QSER1: variants seen among roughly 807,000 people sequenced by gnomAD.
QSER1 encodes the protein glutamine and serine rich 1.
QSER1 carries 49 observed loss-of-function variants against 158.5 expected under a neutral mutation model. The observed-to-expected ratio is 0.31, with a 90% CI of 0.25 to 0.39. The LOEUF (loss-of-function observed/expected upper bound fraction) is 0.39, where lower values mean the gene tolerates loss of function less well. Among genes scored for constraint, QSER1 ranks in the 10% least tolerant of loss-of-function variants. The pLI, the probability that QSER1 is intolerant of heterozygous loss-of-function variation, is 1.00. For missense variants in QSER1, 1,754 were observed against 2,010.3 expected (o/e 0.87, Z 2.44); for synonymous variants, 650 against 715.5 (o/e 0.91, Z 1.46).
At chr11:32,938,360 A>G (rs971624361) in intron 4 of QSER1, among the ~76,000 whole-genome samples, 1 of 152,196 alleles carries the variant, frequency 6.6e-6, no homozygotes, top group African/African-American at 2.4e-5. Context: ...GAGGGTATGT[A>G]AAAGAAAAGT....
intron 8 of QSER1, among the ~76,000 whole-genome samples, chr11:32,965,620 C>T (rs1852726627): frequency 1.3e-5 from 2 of 151,984 alleles, no homozygotes; most frequent in Admixed American, 6.6e-5. Context: ...AGTTTCTTAC[C>T]CAGTCTACTT....
intron 1 of QSER1, among the ~76,000 whole-genome samples, chr11:32,904,715 G>C (rs1184152282): frequency 5.4e-5 from 8 of 148,126 alleles, no homozygotes; most frequent in Admixed American, 2.8e-4. Context: ...GGGTCTTTGT[G>C]CTTTTTCCTG....
At position 32,895,727 on chromosome 11, in the gene QSER1, G is replaced by A. The variant is rs971332297; in HGVS notation, c.209+2393G>A. On this transcript the variant is annotated intron_variant, in intron 1 of 12. Transcript: ENST00000650167. ...TATTCAGAAGCTGACAGATGGTAATGACATTCAGTTGTTGCCGACAGGGAT... is the reference window on the plus strand; with the variant it reads ...TATTCAGAAGCTGACAGATGGTAATAACATTCAGTTGTTGCCGACAGGGAT... 4.5e-4 allele frequency among the ~76,000 whole-genome samples: 68 copies of A among 152,310 alleles called. 1 individual carries two copies. The highest frequency in any genetic ancestry group is 1.5e-3 in the African/African-American group (63 of 41,564).
intron 1 of QSER1, among the ~76,000 whole-genome samples, chr11:32,920,904 G>T (rs1172938284): frequency 6.6e-6 from 1 of 152,206 alleles, no homozygotes; most frequent in African/African-American, 2.4e-5. Flanking sequence ...TGGTGGGAAT[G>T]TAAAATGGTA....
chr11:32,928,144 T>C, intron 3 of QSER1, 21 bp downstream of exon 3: 1 of 1,472,030 alleles, frequency 6.8e-7, no homozygotes, highest in Non-Finnish European at 9.5e-7. Flanking sequence ...GTTTCTAGAA[T>C]TTTTAAGTCC....
At chr11:32,948,487 G>A (rs1309713028) in intron 4 of QSER1, among the ~76,000 whole-genome samples, 2 of 152,116 alleles carry the variant, frequency 1.3e-5, no homozygotes, top group Non-Finnish European at 2.9e-5. Flanking sequence ...CAGTTAGGTG[G>A]GCATGTTGGC....
At position 32,931,676 on chromosome 11, in the gene QSER1, A is replaced by G. The variant is rs74553216; in HGVS notation, c.485-67A>G. The G allele has an allele frequency of 6.9e-3, 8,810 of 1,272,976 alleles. 43 individuals carry two copies. The highest frequency in any genetic ancestry group is 9.1e-3 in the Non-Finnish European group (8,293 of 915,204). 78.9% of individuals were successfully genotyped at this position (1,272,976 alleles called of 1,614,324 possible). On this transcript the variant is annotated intron_variant, in intron 3 of 12. Transcript: ENST00000650167. The stretch of plus-strand genomic sequence containing the variant: ...TGATGAGTTGAGGGTTATGTAAGTC[A>G]TTACTATGAAAACATAAAGTAATTG...
At chr11:32,930,458 G>C (rs1331249436) in intron 3 of QSER1, among the ~76,000 whole-genome samples, 1 of 152,064 alleles carries the variant, frequency 6.6e-6, no homozygotes, top group African/African-American at 2.4e-5. Flanking sequence ...CAAAGAGCCA[G>C]AGAATTGTTT....
intron 1 of QSER1, among the ~76,000 whole-genome samples, chr11:32,899,580 G>A (rs1252805405): frequency 1.3e-5 from 2 of 152,068 alleles, no homozygotes; most frequent in African/African-American, 4.8e-5. Context: ...CAAGTGACAA[G>A]CATGCAATCA....
chr11:32,933,348 A>G lies in QSER1; in HGVS notation c.2090A>G (p.Glu697Gly). The change falls in exon 4 of 13, where the codon GAG becomes GGG. Residue 697 changes from glutamate (E) to glycine (G), a missense_variant. By Grantham distance (98) the Glu-to-Gly change is moderately conservative. Around this residue, in one of 2 missense-constraint regions of QSER1, gnomAD observed 1,707 missense variants for 1,919.6 expected, o/e 0.89. Coordinates refer to ENST00000650167, the MANE Select transcript of QSER1 (RefSeq NM_001076786.3). Reference sequence around the variant, plus strand: ...CAAGAAGATGGTTTTCCAATGCAAGAGTTACAGGTGTTGCAGCCACAAGCA... The same window carrying G: ...CAAGAAGATGGTTTTCCAATGCAAGGGTTACAGGTGTTGCAGCCACAAGCA... The part of the protein sequence containing the change: ...SKQEDGFPMQ[E>G]LQVLQPQASL... 1 of 1,612,974 alleles carries G rather than the reference A, an allele frequency of 6.2e-7. No individual in the cohort carries two copies.
chr11:32,909,223 CTTTT>C (rs1016426829), intron 1 of QSER1, among the ~76,000 whole-genome samples: 9 of 152,082 alleles, frequency 5.9e-5, no homozygotes, highest in African/African-American at 1.7e-4. Flanking sequence ...TTGTGATTGT[CTTTT>C]TTATTATTGC....
intron 1 of QSER1, among the ~76,000 whole-genome samples, chr11:32,912,715 C>T (rs1022781408): frequency 6.6e-6 from 1 of 151,992 alleles, no homozygotes; most frequent in Non-Finnish European, 1.5e-5. Flanking sequence ...TCAAGACCAG[C>T]CTGGGCAATA....
chr11:32,936,252 T>C (rs917086747), intron 4 of QSER1, among the ~76,000 whole-genome samples: 5 of 146,204 alleles, frequency 3.4e-5, no homozygotes, highest in Admixed American at 6.9e-5. Context: ...TGTGTTCTCA[T>C]TGTTCAATTC....
intron 1 of QSER1, among the ~76,000 whole-genome samples, chr11:32,896,553 T>C (rs1232161432): frequency 6.6e-6 from 1 of 152,074 alleles, no homozygotes; most frequent in East Asian, 1.9e-4. Context: ...GCCAGGCTGG[T>C]AATTTTTGTA....
At position 32,933,423 on chromosome 11, in the gene QSER1, A is replaced by G. The variant is rs749392784; in HGVS notation, c.2165A>G (p.Gln722Arg). The G allele has an allele frequency of 1.9e-6, 3 of 1,613,920 alleles. No homozygotes were observed. In the South Asian group the frequency reaches 3.3e-5, roughly 18 times the overall value. Residue 722 changes from glutamine (Q) to arginine (R), a missense_variant, in exon 4 of 13, where the codon CAA (glutamine) becomes CGA (arginine). Physicochemically the swap from Gln to Arg is conservative, Grantham distance 43. This residue lies in a region of QSER1 where 1,707 missense variants were observed against 1,919.6 expected (regional missense o/e 0.89). Coordinates refer to ENST00000650167, the MANE Select transcript of QSER1 (RefSeq NM_001076786.3). The part of the protein sequence containing the change: ...QRLSDGEINA[Q>R]ESTYKVSKAD... ...CTATCTGATGGAGAAATTAATGCTCAAGAATCAACTTATAAGGTGTCAAAG... is the reference window on the plus strand; with the variant it reads ...CTATCTGATGGAGAAATTAATGCTCGAGAATCAACTTATAAGGTGTCAAAG...
chr11:32,906,658 C>T (rs896068618), intron 1 of QSER1, among the ~76,000 whole-genome samples: 17 of 152,280 alleles, frequency 1.1e-4, no homozygotes, highest in Admixed American at 9.8e-4. Flanking sequence ...AGTGACCCTC[C>T]TGCCTGACCC....
chr11:32,895,338 C>T (rs1170474058), intron 1 of QSER1, among the ~76,000 whole-genome samples: 1 of 152,150 alleles, frequency 6.6e-6, no homozygotes, highest in Admixed American at 6.5e-5. Flanking sequence ...TACCCCCCTC[C>T]CCCGCCAGCC....
chr11:32,893,661 G>C lies in QSER1; in HGVS notation c.209+327G>C, dbSNP rs1851515888. Among the ~76,000 whole-genome samples the C allele has an allele frequency of 6.6e-6, 1 of 152,198 alleles. No individual in the cohort carries two copies. The highest frequency in any genetic ancestry group is 2.4e-5 in the African/African-American group (1 of 41,446). Reference sequence around the variant, plus strand: ...TGAACTCGGGATCTGTGAGACCCAGGATTGGCGCCGGGGGTCCGAAGGGGG... The same window carrying C: ...TGAACTCGGGATCTGTGAGACCCAGCATTGGCGCCGGGGGTCCGAAGGGGG... On this transcript the variant is annotated intron_variant, in intron 1 of 12. Transcript: ENST00000650167. This position sits in a 1 kb window ranked among gnomAD's most constrained non-coding sequence, Gnocchi z 4.7.
chr11:32,967,578 A>G (rs1852774340), intron 9 of QSER1, among the ~76,000 whole-genome samples: 2 of 152,334 alleles, frequency 1.3e-5, no homozygotes, highest in Non-Finnish European at 2.9e-5. Flanking sequence ...TGTCATTGTC[A>G]AAAATGTCAT....
Sources: allele counts gnomAD v4.1 joint callset (sites outside exome capture counted in the v4.1 genomes callset), GRCh38; gene constraint gnomAD v4.1.1; regional missense constraint gnomAD v4.1.1; non-coding constraint Gnocchi (gnomAD v3.1); transcripts MANE v1.5; gene names NCBI Gene and HGNC (gene_info 2026-07-23, HGNC 2026-07-21).